KLHL17: variants seen among roughly 807,000 people sequenced by gnomAD.
KLHL17 encodes kelch-like protein 17.
Under a neutral mutation model 64.6 loss-of-function variants are expected in KLHL17, and 71 were observed. The ratio of observed to expected loss-of-function variants is 1.10; its 90% CI spans 0.91 to 1.34. The LOEUF (loss-of-function observed/expected upper bound fraction) is 1.34, where lower values mean the gene tolerates loss of function less well. KLHL17 is among the 40% of genes most tolerant of loss of function. The pLI, the probability that KLHL17 is intolerant of heterozygous loss-of-function variation, is 0.00. For missense variants in KLHL17, 1,140 were observed against 935.0 expected (o/e 1.22, Z -2.86); for synonymous variants, 612 against 405.4 (o/e 1.51, Z -6.12).
At chr1:960,843 C>T (rs1331470729) in intron 1 of KLHL17, 43 bp downstream of exon 1, 31 of 983,424 alleles carry the variant, frequency 3.2e-5, no homozygotes, top group Non-Finnish European at 3.7e-5. Context: ...GCCTCGGGAC[C>T]TGCGCGGCCC....
chr1:961,578 G>C (rs568771605), intron 2 of KLHL17, 26 bp downstream of exon 2: 1 of 1,612,724 alleles, frequency 6.2e-7, no homozygotes, highest in African/African-American at 1.3e-5. Flanking sequence ...GGCGGCGCTG[G>C]GGGCTCCGTG....
At position 964,373 on chromosome 1, in the gene KLHL17, T is replaced by C. The variant is rs938006313; in HGVS notation, c.1543T>C (p.Ser515Pro). Residue 515 changes from serine to proline, a missense_variant, in exon 11 of 12, where the codon TCC becomes CCC. Coordinates refer to ENST00000338591, the MANE Select transcript of KLHL17 (RefSeq NM_198317.3). Reference protein sequence around the residue: ...PQVNVWSPVASMLSRRSSAGV... With the variant: ...PQVNVWSPVAPMLSRRSSAGV... ...GGTGAACGTGTGGTCGCCCGTGGCGTCCATGCTGAGCCGACGCAGCTCAGC... is the reference window on the plus strand; with the variant it reads ...GGTGAACGTGTGGTCGCCCGTGGCGCCCATGCTGAGCCGACGCAGCTCAGC... 2 of 1,556,552 alleles carry C rather than the reference T, an allele frequency of 1.3e-6. No individual in the cohort carries two copies. The highest frequency in any genetic ancestry group is 8.7e-7 in the Non-Finnish European group (1 of 1,152,076).
In KLHL17 at chr1:964,493, G is replaced by A. The variant is rs1162417359; in HGVS notation, c.1663G>A (p.Gly555Arg). ...NSVERYSPKA[G>R]AWESVAPMNI... The stretch of plus-strand genomic sequence containing the variant: ...GGTAGAGAGATACAGTCCAAAGGCT[G>A]GAGCCTGGGAAAGCGTGGCGCCCAT... The change falls in exon 11 of 12, where the codon GGA (glycine) becomes AGA (arginine). Residue 555 changes from glycine to arginine, a missense_variant. Coordinates refer to ENST00000338591, the MANE Select transcript of KLHL17 (RefSeq NM_198317.3). 1.3e-6 allele frequency: 2 copies of A among 1,529,820 alleles called. No homozygotes were observed. 94.8% of individuals were successfully genotyped at this position (1,529,820 alleles called of 1,614,324 possible).
At chr1:960,941 C>G (rs1306159118) in intron 1 of KLHL17, 141 bp downstream of exon 1, 1 of 585,216 alleles carries the variant, frequency 1.7e-6, no homozygotes, top group African/African-American at 2.0e-5. Context: ...GGGGTCGGCC[C>G]GGAGTAGGTT....
intron 5 of KLHL17, 112 bp downstream of exon 5, chr1:962,583 C>A: frequency 6.6e-7 from 1 of 1,525,476 alleles, no homozygotes; most frequent in African/African-American, 1.4e-5. Flanking sequence ...GGGGTGGTGC[C>A]CCCACCTGTC....
intron 8 of KLHL17, 31 bp downstream of exon 8, chr1:963,535 T>C: frequency 1.3e-6 from 2 of 1,578,600 alleles, no homozygotes; most frequent in Non-Finnish European, 1.7e-6. Flanking sequence ...AGTGGCTTTG[T>C]ACAGTCCATC....
chr1:964,915 C>G, intron 11 of KLHL17, 48 bp from the exon 12 acceptor site: 1 of 1,389,392 alleles, frequency 7.2e-7, no homozygotes, highest in South Asian at 1.3e-5. Context: ...CAGCCCCTCC[C>G]CCCGCATCCC....
At chr1:961,017 C>A in intron 1 of KLHL17, 1 of 232,104 alleles carries the variant, frequency 4.3e-6, no homozygotes, top group Non-Finnish European at 7.0e-6. Flanking sequence ...CGGCTAGGGA[C>A]GCGGAGGAGC....
rs147810658 is a variant in KLHL17 at position 965,185 on chromosome 1, C to T, written c.1923C>T (p.Ser641=). The change falls in exon 12 of 12, where the codon AGC becomes AGT. Residue 641 remains serine, a synonymous_variant. Transcript: ENST00000338591. The part of the protein sequence containing the change: ...SSPTLSVSST[S]L ...CGACGCTGTCCGTGTCCTCCACCAG[C>T]CTCTGACCCACCTACCACCAGAGGC... The T allele has an allele frequency of 1.2e-5, 19 of 1,611,900 alleles. No individual in the cohort carries two copies. The African/African-American group carries it at 1.7e-4, about 15-fold the overall frequency.
chr1:963,726 G>T, intron 8 of KLHL17, 194 bp from the exon 9 acceptor site: 1 of 815,814 alleles, frequency 1.2e-6, no homozygotes, highest in Admixed American at 2.6e-5. Flanking sequence ...GCTGGGCCCA[G>T]GTGGGTGTGC....
intron 3 of KLHL17, 36 bp from the exon 4 acceptor site, chr1:961,790 C>G (rs374306425): frequency 1.9e-6 from 3 of 1,611,316 alleles, no homozygotes; most frequent in East Asian, 2.2e-5. Flanking sequence ...TCCCCCGACC[C>G]TGTGCCTCCC....
intron 4 of KLHL17, 51 bp from the exon 5 acceptor site, chr1:962,304 G>C: frequency 6.2e-7 from 1 of 1,609,258 alleles, no homozygotes; most frequent in Non-Finnish European, 8.5e-7. Context: ...AGGGCTCCCT[G>C]GGTCCACAGG....
chr1:960,948 G>A, intron 1 of KLHL17, 148 bp downstream of exon 1: 1 of 531,772 alleles, frequency 1.9e-6, no homozygotes, highest in Non-Finnish European at 2.4e-6. Flanking sequence ...GCCCGGAGTA[G>A]GTTCCCCACC....
At chr1:963,569 C>G in intron 8 of KLHL17, 65 bp downstream of exon 8, 1 of 1,517,514 alleles carries the variant, frequency 6.6e-7, no homozygotes, top group Non-Finnish European at 8.9e-7. Context: ...TTTGTGTCAC[C>G]ATCACAGGGG....
chr1:962,667 A>G, intron 5 of KLHL17, 37 bp from the exon 6 acceptor site: 1 of 1,551,766 alleles, frequency 6.4e-7, no homozygotes, highest in Non-Finnish European at 8.7e-7. Context: ...AGTGTGCCCG[A>G]GGGTCCCGCC....
At chr1:962,957 C>T (rs754243239) in intron 6 of KLHL17, 40 bp downstream of exon 6, 4 of 1,522,218 alleles carry the variant, frequency 2.6e-6, no homozygotes, top group Admixed American at 2.0e-5. Flanking sequence ...CCTGTGCCTT[C>T]TACTCCCCAC....
In KLHL17 at chr1:963,906, C is replaced by T. The variant is rs765467264; in HGVS notation, c.1356-14C>T. The T allele has an allele frequency of 1.2e-6, 2 of 1,611,736 alleles. No individual in the cohort carries two copies. Among genetic ancestry groups the T allele is most frequent in the East Asian group, 2.2e-5 (1 of 44,870 alleles). On this transcript the variant is annotated splice_polypyrimidine_tract_variant and intron_variant, in intron 8 of 11. Transcript: ENST00000338591. ...GTCTCTGCTGAGCTGTGGCTGCGGT[C>T]CTGGTGCCCACAGTGCTGAACGCTA... is the stretch of plus-strand genomic sequence containing the variant.
At position 962,721 on chromosome 1, in the gene KLHL17, G is replaced by C. The variant is rs759826849; in HGVS notation, c.846G>C (p.Arg282=). The part of the protein sequence containing the change: ...QHVPRLMKCV[R]LPLLSRDFLL... ...CACCCCAGCTCATGAAGTGTGTGCG[G>C]CTGCCCTTGCTGAGCCGCGACTTCC... Residue 282 remains arginine, a synonymous_variant, in exon 6 of 12, where the codon CGG becomes CGC. Coordinates refer to ENST00000338591, the MANE Select transcript of KLHL17 (RefSeq NM_198317.3). 7 of 1,604,612 alleles carry C rather than the reference G, an allele frequency of 4.4e-6. No individual in the cohort carries two copies. The East Asian group carries it at 1.6e-4, about 36-fold the overall frequency.
Position 962,740 on chromosome 1 carries a change from G to C in KLHL17, c.865G>C (p.Asp289His), listed in dbSNP as rs142704607. 3.7e-6 allele frequency: 6 copies of C among 1,609,816 alleles called. No individual in the cohort carries two copies. The highest frequency in any genetic ancestry group is 5.1e-6 in the Non-Finnish European group (6 of 1,179,472). Residue 289 changes from aspartate (D) to histidine (H), a missense_variant, in exon 6 of 12, where the codon GAC becomes CAC. Coordinates refer to ENST00000338591, the MANE Select transcript of KLHL17 (RefSeq NM_198317.3). ...KCVRLPLLSR[D>H]FLLGHVDAES... ...TGTGCGGCTGCCCTTGCTGAGCCGC[G>C]ACTTCCTGCTGGGCCACGTGGATGC...
Sources: allele counts gnomAD v4.1 joint callset, GRCh38; gene constraint gnomAD v4.1.1; transcripts MANE v1.5; gene names NCBI Gene and HGNC (gene_info 2026-07-23, HGNC 2026-07-21).